ITPRID1: variants seen among roughly 807,000 people sequenced by gnomAD.
ITPRID1 encodes protein ITPRID1.
Under a neutral mutation model 95.4 loss-of-function variants are expected in ITPRID1, and 96 were observed. The ratio of observed to expected loss-of-function variants is 1.01; its 90% CI spans 0.85 to 1.19. The LOEUF (loss-of-function observed/expected upper bound fraction) is 1.19. Among genes scored for constraint, ITPRID1 ranks in the 50% most tolerant of loss-of-function variants. The pLI is 0.00. For missense variants in ITPRID1, 1,339 were observed against 1,252.9 expected, an observed-to-expected ratio of 1.07 and a Z score of -1.04; for synonymous variants, 510 against 453.6, an observed-to-expected ratio of 1.12 and a Z score of -1.58.
intron 10 of ITPRID1, among the ~76,000 whole-genome samples, chr7:31,616,629 A>G (rs1248833221): frequency 2.0e-5 from 3 of 152,320 alleles, no homozygotes; most frequent in African/African-American, 7.2e-5. Flanking sequence ...CTTTAGAAAT[A>G]AATAGTATCT....
At chr7:31,623,267 AT>A (rs1459727267) in intron 10 of ITPRID1, among the ~76,000 whole-genome samples, 27 of 152,322 alleles carry the variant, frequency 1.8e-4, no homozygotes, top group African/African-American at 6.5e-4. Flanking sequence ...GGCCAGCATC[AT>A]CCTGATACCA....
rs573449948 is a variant in ITPRID1, at chr7:31,597,490, G to GAA, written c.1228+14309_1228+14310dup. Among the ~76,000 whole-genome samples the GAA allele has an allele frequency of 3.7e-5, 5 of 136,908 alleles. No individual in the cohort carries two copies. The Admixed American group carries it at 3.7e-4, about 10-fold the overall frequency. 89.8% of individuals were successfully genotyped at this position (136,908 alleles called of 152,430 possible). On this transcript the variant is annotated intron_variant, in intron 10 of 14. Transcript: ENST00000615280. ...AACCAACTGGAAGCACATTAAAGCA[G>GAA]AAAAAAAAAAACCCCACAACAACAG...
intron 10 of ITPRID1, 100 bp downstream of exon 10, chr7:31,583,291 T>G: frequency 3.7e-5 from 29 of 776,968 alleles, no homozygotes; most frequent in Non-Finnish European, 5.4e-5. Context: ...AAATTATCTC[T>G]AGAAGGTACT....
chr7:31,554,874 A>G lies in ITPRID1; in HGVS notation c.229A>G (p.Asn77Asp). The G allele has an allele frequency of 6.3e-7, 1 of 1,581,764 alleles. No individual in the cohort carries two copies. Among genetic ancestry groups the G allele is most frequent in the Non-Finnish European group, 8.6e-7 (1 of 1,161,608 alleles). ...DSGFFVSANE[N>D]FQQVIDRTVS... is the part of the protein sequence containing the mutation. ...TCTTTACAGTGTCTCTGCAAATGAA[A>G]ACTTTCAACAAGTCATTGACCGCAC... The change falls in exon 5 of 15, where the codon AAC becomes GAC. Residue 77 changes from asparagine (N) to aspartate (D), a missense_variant. Physicochemically the swap from Asn to Asp is conservative, Grantham distance 23 (BLOSUM62 1). Transcript: ENST00000615280.
At chr7:31,625,516 G>C (rs573480525) in intron 10 of ITPRID1, among the ~76,000 whole-genome samples, 1 of 152,062 alleles carries the variant, frequency 6.6e-6, no homozygotes, top group Non-Finnish European at 1.5e-5. Context: ...ATAAACTATT[G>C]CAAGAACAAA....
chr7:31,619,501 T>G (rs1787595015), intron 10 of ITPRID1, among the ~76,000 whole-genome samples: 1 of 151,916 alleles, frequency 6.6e-6, no homozygotes, highest in Admixed American at 6.6e-5. Context: ...CATAGCATTT[T>G]GATAAGAATA....
chr7:31,638,816 G>C (rs548099698), intron 10 of ITPRID1, among the ~76,000 whole-genome samples: 6 of 151,862 alleles, frequency 4.0e-5, no homozygotes, highest in Non-Finnish European at 8.8e-5. Context: ...TTGCTCTGTC[G>C]CCCAGGCTGG....
At chr7:31,642,377 T>A (rs1583708937) in intron 11 of ITPRID1, 119 bp downstream of exon 11, 1 of 733,038 alleles carries the variant, frequency 1.4e-6, no homozygotes. Flanking sequence ...GTGTTTTAAA[T>A]CAAGCCACAA....
intron 10 of ITPRID1, among the ~76,000 whole-genome samples, chr7:31,623,010 T>G (rs1217790544): frequency 2.0e-5 from 3 of 152,042 alleles, no homozygotes; most frequent in Non-Finnish European, 2.9e-5. Context: ...CTAGAAGAAA[T>G]GGATAAATTC....
intron 1 of ITPRID1, among the ~76,000 whole-genome samples, chr7:31,530,910 C>T (rs1277910937): frequency 2.0e-5 from 3 of 152,180 alleles, no homozygotes; most frequent in Non-Finnish European, 4.4e-5. Context: ...GGTTCAGACA[C>T]CAGAGTACTG....
intron 1 of ITPRID1, among the ~76,000 whole-genome samples, chr7:31,537,951 A>G (rs1783812792): frequency 1.3e-5 from 2 of 152,200 alleles, no homozygotes; most frequent in South Asian, 2.1e-4. Flanking sequence ...CAAGAACCAT[A>G]CATTGTCACT....
chr7:31,524,354 G>T (rs1783358512), intron 1 of ITPRID1, among the ~76,000 whole-genome samples: 2 of 152,166 alleles, frequency 1.3e-5, no homozygotes, highest in Non-Finnish European at 2.9e-5. Flanking sequence ...CAGCTGCCTG[G>T]AGTGTCTTAG....
At chr7:31,546,506 G>C (rs1784103999) in intron 1 of ITPRID1, among the ~76,000 whole-genome samples, 1 of 151,922 alleles carries the variant, frequency 6.6e-6, no homozygotes, top group African/African-American at 2.4e-5. Flanking sequence ...GATCTACAAT[G>C]CTATATTTTC....
Position 31,574,872 on chromosome 7 carries a change from G to T in ITPRID1, c.598+130G>T, listed in dbSNP as rs1347836086. 5.0e-6 allele frequency: 4 copies of T among 798,124 alleles called. No homozygotes were observed. In the African/African-American group the frequency reaches 6.9e-5, roughly 14 times the overall value. 49.4% of individuals were successfully genotyped at this position (798,124 alleles called of 1,614,324 possible). A position where few individuals can be genotyped will look rare whatever the true frequency, so the allele number is the denominator to read the frequency against. Reference sequence around the variant, plus strand: ...TATTACAGTGACTTCACACACAAAAGATGGATTTCTTGGTCATCCTATATG... The same window carrying T: ...TATTACAGTGACTTCACACACAAAATATGGATTTCTTGGTCATCCTATATG... On this transcript the variant is annotated intron_variant, in intron 8 of 14. Coordinates refer to ENST00000615280, the MANE Select transcript of ITPRID1 (RefSeq NM_001257967.3).
chr7:31,571,022 T>TA (rs1784968153), intron 6 of ITPRID1, among the ~76,000 whole-genome samples: 1 of 125,078 alleles, frequency 8.0e-6, no homozygotes, highest in Non-Finnish European at 1.8e-5. Flanking sequence ...GCCCAGCTAT[T>TA]GTTTTTTTTT....
intron 10 of ITPRID1, among the ~76,000 whole-genome samples, chr7:31,617,672 C>T (rs924388894): frequency 6.6e-6 from 1 of 151,894 alleles, no homozygotes; most frequent in Non-Finnish European, 1.5e-5. Context: ...ACCCACGATA[C>T]TCTTGTCATT....
Position 31,577,842 on chromosome 7 carries a change from C to G in ITPRID1, c.599-21C>G, listed in dbSNP as rs188366188. The G allele has an allele frequency of 3.0e-4, 461 of 1,532,978 alleles. 4 individuals are homozygous for G. In the Middle Eastern group the frequency reaches 4.4e-3, roughly 15 times the overall value. 95.0% of individuals were successfully genotyped at this position (1,532,978 alleles called of 1,614,324 possible). ...CAAAAAAGACCCAATCTGAAACTTT[C>G]GTGTTTCTTGTGTTGTGCAGGTCGT... On this transcript the variant is annotated intron_variant, in intron 8 of 14. Coordinates refer to ENST00000615280, the MANE Select transcript of ITPRID1 (RefSeq NM_001257967.3).
chr7:31,587,710 G>T (rs1259870563), intron 10 of ITPRID1, among the ~76,000 whole-genome samples: 5 of 151,154 alleles, frequency 3.3e-5, no homozygotes, highest in African/African-American at 1.2e-4. Flanking sequence ...GAACAAAGCT[G>T]GAGGCATCAC....
At chr7:31,526,974 A>C (rs1042089529) in intron 1 of ITPRID1, among the ~76,000 whole-genome samples, 6 of 152,104 alleles carry the variant, frequency 3.9e-5, no homozygotes, top group Non-Finnish European at 8.8e-5. Context: ...TGGCATGCAA[A>C]GTCCTTCATA....
Sources: allele counts gnomAD v4.1 joint callset (sites outside exome capture counted in the v4.1 genomes callset), GRCh38; gene constraint gnomAD v4.1.1; transcripts MANE v1.5; gene names NCBI Gene and HGNC (gene_info 2026-07-23, HGNC 2026-07-21).